LRP1B: variants seen among roughly 807,000 people sequenced by gnomAD.
The protein encoded by LRP1B is LDL receptor related protein 1B.
In LRP1B, 217 loss-of-function variants were observed where a neutral mutation model predicts 556.6. The ratio of observed to expected loss-of-function variants is 0.39; its 90% CI spans 0.35 to 0.44. LRP1B has a LOEUF of 0.44. Ranked by LOEUF, LRP1B falls within the 20% of genes least tolerant of loss-of-function variation. LRP1B has a pLI of 1.00. For synonymous variants in LRP1B, 2,047 were observed against 1,865.8 expected (o/e 1.10, Z -2.50); for missense variants, 5,053 against 5,620.8 (o/e 0.90, Z 3.23).
chr2:141,924,928 A>G (rs1293836139), intron 1 of LRP1B, among the ~76,000 whole-genome samples: 1 of 152,134 alleles, frequency 6.6e-6, no homozygotes, highest in Non-Finnish European at 1.5e-5. Context: ...TTCCTCAGAG[A>G]ATGGAAGGTG....
intron 41 of LRP1B, among the ~76,000 whole-genome samples, chr2:140,621,296 G>T (rs1683443132): frequency 6.7e-6 from 1 of 150,204 alleles, no homozygotes. Context: ...TGAGGCAGGA[G>T]CATGGCATGA....
chr2:141,229,553 A>C, intron 5 of LRP1B, 113 bp from the exon 6 acceptor site: 1 of 815,404 alleles, frequency 1.2e-6, no homozygotes, highest in East Asian at 2.8e-5. Flanking sequence ...TCATAACAAA[A>C]ATTTTCTTAT....
At chr2:141,911,412 C>T (rs924201656) in intron 1 of LRP1B, among the ~76,000 whole-genome samples, 1 of 152,150 alleles carries the variant, frequency 6.6e-6, no homozygotes, top group Non-Finnish European at 1.5e-5. Flanking sequence ...AGGCTGATAG[C>T]CTCCATATAC....
intron 2 of LRP1B, among the ~76,000 whole-genome samples, chr2:141,697,598 C>T (rs1404657032): frequency 2.6e-5 from 4 of 151,814 alleles, no homozygotes; most frequent in Non-Finnish European, 5.9e-5. Flanking sequence ...AAGATGGTAG[C>T]GAAATGGGTA....
At chr2:140,261,726 TAA>T (rs1461036323) in intron 86 of LRP1B, among the ~76,000 whole-genome samples, 2 of 151,564 alleles carry the variant, frequency 1.3e-5, no homozygotes, top group African/African-American at 4.9e-5. Context: ...TAAATAAACA[TAA>T]GAGTGTATCA....
intron 7 of LRP1B, among the ~76,000 whole-genome samples, chr2:141,099,000 T>C (rs1356541736): frequency 1.3e-5 from 2 of 152,136 alleles, no homozygotes; most frequent in African/African-American, 4.8e-5. Context: ...TTCCAAAACA[T>C]TCAAAGGCCA....
chr2:141,034,837 C>T (rs1442036390), intron 11 of LRP1B, among the ~76,000 whole-genome samples: 1 of 151,004 alleles, frequency 6.6e-6, no homozygotes, highest in Non-Finnish European at 1.5e-5. Context: ...CACCATTTGA[C>T]CCAGCCATCC....
intron 2 of LRP1B, among the ~76,000 whole-genome samples, chr2:141,518,037 G>T (rs1684387227): frequency 6.6e-6 from 1 of 151,970 alleles, no homozygotes; most frequent in Admixed American, 6.6e-5. Context: ...CTGACATTAT[G>T]ACATTTACAA....
At chr2:141,961,808 A>G (rs1310700245) in intron 1 of LRP1B, among the ~76,000 whole-genome samples, 1 of 151,708 alleles carries the variant, frequency 6.6e-6, no homozygotes, top group Non-Finnish European at 1.5e-5. Flanking sequence ...TTAACAGGTG[A>G]AGCCACCAAT....
At chr2:141,320,303 C>T (rs1002284447) in intron 3 of LRP1B, among the ~76,000 whole-genome samples, 3 of 152,036 alleles carry the variant, frequency 2.0e-5, no homozygotes, top group Non-Finnish European at 2.9e-5. Flanking sequence ...CTCCTAGAAT[C>T]CTTTTTCTTC....
intron 1 of LRP1B, among the ~76,000 whole-genome samples, chr2:141,883,179 G>C (rs1699010092): frequency 6.6e-6 from 1 of 152,070 alleles, no homozygotes; most frequent in African/African-American, 2.4e-5. Flanking sequence ...ATTTTCAAAT[G>C]GAACAAGCCA....
rs536954065 is a variant in LRP1B, at chr2:141,615,946, C to G, written c.206-135413G>C. 9.2e-5 allele frequency among the ~76,000 whole-genome samples: 14 copies of G among 152,234 alleles called. No individual in the cohort carries two copies. In the South Asian group the frequency reaches 2.9e-3, roughly 32 times the overall value. Reference sequence around the variant, plus strand: ...GGTCGTAAAAAATAATGATGACTGTCTTTATTCTTAAGTTAATCAAACTGC... The same window carrying G: ...GGTCGTAAAAAATAATGATGACTGTGTTTATTCTTAAGTTAATCAAACTGC... On this transcript the variant is annotated intron_variant, in intron 2 of 90. Transcript: ENST00000389484.
At chr2:140,528,385 G>A (rs994644291) in intron 47 of LRP1B, among the ~76,000 whole-genome samples, 10 of 151,820 alleles carry the variant, frequency 6.6e-5, no homozygotes, top group East Asian at 3.9e-4. Flanking sequence ...TCAGAAGAGC[G>A]GTTAGAAAGT....
chr2:141,553,760 T>A (rs532607631), intron 2 of LRP1B, among the ~76,000 whole-genome samples: 27 of 131,348 alleles, frequency 2.1e-4, no homozygotes, highest in African/African-American at 8.5e-4. Context: ...TATAATATAT[T>A]ATATATGTTT....
chr2:140,868,663 T>G (rs904538692), intron 25 of LRP1B, among the ~76,000 whole-genome samples: 106 of 152,054 alleles, frequency 7.0e-4, no homozygotes, highest in African/African-American at 1.9e-3. Flanking sequence ...TGTGGGCTAT[T>G]TGAGGAACAG....
At chr2:140,632,519 C>A (rs1025889005) in intron 41 of LRP1B, among the ~76,000 whole-genome samples, 1 of 151,290 alleles carries the variant, frequency 6.6e-6, no homozygotes, top group Non-Finnish European at 1.5e-5. Flanking sequence ...AATTGATATG[C>A]TAAAAGAGGA....
chr2:141,933,320 T>TA (rs1700553603), intron 1 of LRP1B, among the ~76,000 whole-genome samples: 1 of 152,046 alleles, frequency 6.6e-6, no homozygotes, highest in Non-Finnish European at 1.5e-5. Context: ...GTAAGACAGT[T>TA]AAGAAATACT....
chr2:142,037,055 G>A (rs1402667016), intron 1 of LRP1B, among the ~76,000 whole-genome samples: 2 of 151,604 alleles, frequency 1.3e-5, no homozygotes, highest in African/African-American at 2.4e-5. Flanking sequence ...AAAAAGGCTC[G>A]TTACTGCTGA....
intron 7 of LRP1B, among the ~76,000 whole-genome samples, chr2:141,116,789 C>T (rs73964053): frequency 0.011 from 1,741 of 151,726 alleles, 42 homozygotes; most frequent in African/African-American, 0.04. Context: ...CCATTTTGTC[C>T]AACAAAGACT....
Sources: allele counts gnomAD v4.1 joint callset (sites outside exome capture counted in the v4.1 genomes callset), GRCh38; gene constraint gnomAD v4.1.1; transcripts MANE v1.5; gene names NCBI Gene and HGNC (gene_info 2026-07-23, HGNC 2026-07-21).